RASAL2: variants seen among roughly 807,000 people sequenced by gnomAD.
RASAL2 encodes ras GTPase-activating protein nGAP.
RASAL2 carries 58 observed loss-of-function variants against 128.9 expected under a neutral mutation model. The observed-to-expected ratio is 0.45, with a 90% CI of 0.36 to 0.56. The LOEUF is 0.56. Ranked by LOEUF, RASAL2 falls within the 20% of genes least tolerant of loss-of-function variation. The pLI, the probability that RASAL2 is intolerant of heterozygous loss-of-function variation, is 0.00. For synonymous variants in RASAL2, 561 were observed against 580.8 expected, an observed-to-expected ratio of 0.97 and a Z score of 0.49; for missense variants, 1,360 against 1,601.6, an observed-to-expected ratio of 0.85 and a Z score of 2.57.
chr1:178,221,932 A>G (rs1663628846), intron 1 of RASAL2, among the ~76,000 whole-genome samples: 1 of 152,140 alleles, frequency 6.6e-6, no homozygotes, highest in African/African-American at 2.4e-5. Context: ...CTATCTCTTA[A>G]TGCTCTGTTG....
chr1:178,334,440 G>C (rs1669485986), intron 3 of RASAL2, among the ~76,000 whole-genome samples: 1 of 151,850 alleles, frequency 6.6e-6, no homozygotes, highest in Admixed American at 6.6e-5. Flanking sequence ...CTGGGTTCAA[G>C]CCATTCTCCT....
chr1:178,393,759 G>A (rs1479734336), intron 4 of RASAL2, among the ~76,000 whole-genome samples: 3 of 152,022 alleles, frequency 2.0e-5, no homozygotes, highest in Admixed American at 6.6e-5. Context: ...AATCTGTTCC[G>A]ATCATCTTTA....
At chr1:178,187,426 AAT>A (rs2101940908) in intron 1 of RASAL2, among the ~76,000 whole-genome samples, 1 of 152,266 alleles carries the variant, frequency 6.6e-6, no homozygotes, top group East Asian at 1.9e-4. Context: ...TAGCACATTG[AAT>A]ATGTTTATAA....
intron 4 of RASAL2, among the ~76,000 whole-genome samples, chr1:178,391,319 G>A (rs1672894323): frequency 6.6e-6 from 1 of 152,034 alleles, no homozygotes; most frequent in Non-Finnish European, 1.5e-5. Context: ...TTTAAAAAGT[G>A]GAACTATGTT....
Position 178,261,185 on chromosome 1 carries a change from T to C in RASAL2, c.203-22379T>C, listed in dbSNP as rs560800994. Among the ~76,000 whole-genome samples, 244 of 152,324 alleles carry C rather than the reference T, an allele frequency of 1.6e-3. 2 individuals carry two copies. Among genetic ancestry groups the C allele is most frequent in the Admixed American group, 0.012 (182 of 15,302 alleles). On this transcript the variant is annotated intron_variant, in intron 1 of 17. Transcript: ENST00000367649. ...AATCTGTATTTTGAGAAATACTTGA[T>C]TAAAATATTTATCTCCTAAGTAGAA...
At chr1:178,180,663 T>TCACACACACA (rs3979280) in intron 1 of RASAL2, among the ~76,000 whole-genome samples, 59,237 of 138,956 alleles carry the variant, frequency 0.43, 14,636 homozygotes, top group East Asian at 0.68. Flanking sequence ...CGAGACTGTC[T>TCACACACACA]CACACACACA....
chr1:178,141,808 C>G (rs1434940456), intron 1 of RASAL2, among the ~76,000 whole-genome samples: 1 of 152,024 alleles, frequency 6.6e-6, no homozygotes, highest in African/African-American at 2.4e-5. Context: ...CTGGAAGAGA[C>G]AAACTTAACA....
intron 5 of RASAL2, 49 bp downstream of exon 5, chr1:178,420,669 T>G (rs1193889895): frequency 1.5e-6 from 2 of 1,350,126 alleles, no homozygotes; most frequent in Non-Finnish European, 2.1e-6. Context: ...GAGAGTGAAT[T>G]TTGTTAAGGC....
chr1:178,321,335 C>CT (rs1203439117), intron 3 of RASAL2, among the ~76,000 whole-genome samples: 2 of 152,116 alleles, frequency 1.3e-5, no homozygotes, highest in Non-Finnish European at 2.9e-5. Context: ...ATCCACCCAC[C>CT]TCGGCCTCCC....
Position 178,477,191 on chromosome 1 carries a change from T to G in RASAL2, c.*3952T>G, listed in dbSNP as rs1249210149. 6.6e-6 allele frequency: 1 copy of G among 152,224 alleles called. No homozygotes were observed. Among genetic ancestry groups the G allele is most frequent in the Non-Finnish European group, 1.5e-5 (1 of 68,034 alleles). 9.4% of individuals were successfully genotyped at this position (152,224 alleles called of 1,614,324 possible). ...GGCTCCCTTCTCCATTCTCCTTCCC[T>G]TTTTCAAGTCTAATAGTGAAATCTC... On this transcript the variant is annotated 3_prime_UTR_variant, in exon 18 of 18. Coordinates refer to ENST00000367649, the MANE Select transcript of RASAL2 (RefSeq NM_170692.4).
intron 1 of RASAL2, among the ~76,000 whole-genome samples, chr1:178,141,300 C>G (rs1472534391): frequency 6.8e-6 from 1 of 147,856 alleles, no homozygotes; most frequent in Non-Finnish European, 1.5e-5. Context: ...ACTCCCAGCT[C>G]GAATGCCTGG....
At chr1:178,464,452 A>G (rs1647433092) in intron 15 of RASAL2, 40 bp downstream of exon 15, 4 of 1,603,140 alleles carry the variant, frequency 2.5e-6, no homozygotes, top group African/African-American at 2.7e-5. Context: ...TGATCCCAAA[A>G]TGACAGGCCA....
chr1:178,176,040 T>C, intron 1 of RASAL2, among the ~76,000 whole-genome samples: 1 of 152,184 alleles, frequency 6.6e-6, no homozygotes, highest in African/African-American at 2.4e-5. Context: ...TCTTTTGATG[T>C]AATGACTTCC....
rs1332573499 is a variant in RASAL2, at chr1:178,430,027, A to G, written c.675-9395A>G. Among the ~76,000 whole-genome samples the G allele has an allele frequency of 2.0e-5, 3 of 152,150 alleles. No homozygotes were observed. In the East Asian group the frequency reaches 5.8e-4, roughly 30 times the overall value. ...ACTTTTTTATTGAATTTATCTTTTC[A>G]TATGTCTGCTTACTGCAGCAGATTG... On this transcript the variant is annotated intron_variant, in intron 5 of 17. Coordinates refer to ENST00000367649, the MANE Select transcript of RASAL2 (RefSeq NM_170692.4).
intron 1 of RASAL2, among the ~76,000 whole-genome samples, chr1:178,200,674 C>G (rs1430134638): frequency 1.3e-5 from 2 of 152,168 alleles, no homozygotes; most frequent in East Asian, 3.9e-4. Context: ...GGTGCATGGA[C>G]AGCCTCGCCA....
chr1:178,217,785 A>T (rs1028933579), intron 1 of RASAL2, among the ~76,000 whole-genome samples: 1 of 152,204 alleles, frequency 6.6e-6, no homozygotes, highest in African/African-American at 2.4e-5. Context: ...GTTGCTGAAC[A>T]TGGGGATGGC....
intron 1 of RASAL2, among the ~76,000 whole-genome samples, chr1:178,201,429 TC>T (rs1313029178): frequency 6.6e-6 from 1 of 152,184 alleles, no homozygotes; most frequent in Non-Finnish European, 1.5e-5. Context: ...GACCTACTCA[TC>T]CCAGCTGGAA....
At chr1:178,258,287 G>T in intron 1 of RASAL2, among the ~76,000 whole-genome samples, 1 of 121,830 alleles carries the variant, frequency 8.2e-6, no homozygotes, top group East Asian at 2.5e-4. Flanking sequence ...GAGCAAGACT[G>T]CATCTCAAAA....
chr1:178,333,124 G>A lies in RASAL2; in HGVS notation c.457+33006G>A, dbSNP rs563504380. Among the ~76,000 whole-genome samples the A allele has an allele frequency of 1.4e-3, 210 of 152,002 alleles. 1 individual carries two copies. The highest frequency in any genetic ancestry group is 4.6e-3 in the Admixed American group (70 of 15,278). On this transcript the variant is annotated intron_variant, in intron 3 of 17. Transcript: ENST00000367649. ...GCTCACTGCAAGCTCCGCCTCCCGG[G>A]TTCACGCCATTCTCCTGCCTCAGCC...
Sources: gnomAD v4.1 joint callset for allele counts (sites outside exome capture counted in the v4.1 genomes callset) on GRCh38, gnomAD v4.1.1 for gene constraint, MANE v1.5 for transcripts, NCBI Gene and HGNC (gene_info 2026-07-23, HGNC 2026-07-21) for gene names.